Variants in PGCKA1 observed in about 807,000 individuals in gnomAD.
PGCKA1 encodes the protein PDCD10 and GCKIII kinases-associated protein 1.
At chr4:37,493,523 A>G in the PGCKA1 span, among the ~76,000 whole-genome samples, 1 of 152,246 alleles carries the variant, frequency 6.6e-6, no homozygotes, top group Non-Finnish European at 1.5e-5. Context: ...CACTCCACTG[A>G]GAAGCAGATA....
the PGCKA1 span, among the ~76,000 whole-genome samples, chr4:37,530,021 G>T: frequency 7.9e-5 from 12 of 152,064 alleles, no homozygotes; most frequent in Non-Finnish European, 1.5e-4. Context: ...GTAGGTAAAG[G>T]ATCAAAAAAG....
chr4:37,456,887 C>T, the PGCKA1 span, among the ~76,000 whole-genome samples: 2 of 152,110 alleles, frequency 1.3e-5, no homozygotes, highest in African/African-American at 2.4e-5. Context: ...TGAACTGATT[C>T]GAAAGATAGT....
chr4:37,556,735 T>C, the PGCKA1 span, among the ~76,000 whole-genome samples: 1 of 152,220 alleles, frequency 6.6e-6, no homozygotes, highest in African/African-American at 2.4e-5. Context: ...ATATTGTAGT[T>C]CATTGTAAGC....
At chr4:37,492,657 G>A in the PGCKA1 span, among the ~76,000 whole-genome samples, 1 of 152,152 alleles carries the variant, frequency 6.6e-6, no homozygotes, top group Non-Finnish European at 1.5e-5. This position sits in a 1 kb window ranked among gnomAD's most constrained non-coding sequence, Gnocchi z 4.7. Context: ...GATATGCCTG[G>A]TACATCTCCC....
chr4:37,517,320 G>T, the PGCKA1 span, among the ~76,000 whole-genome samples: 42,995 of 146,966 alleles, frequency 0.29, 6,629 homozygotes, highest in South Asian at 0.38. Flanking sequence ...TATATATATA[G>T]AGAGAGAGAG....
chr4:37,507,947 A>T, the PGCKA1 span, among the ~76,000 whole-genome samples: 7 of 152,092 alleles, frequency 4.6e-5, no homozygotes, highest in Non-Finnish European at 1.0e-4. Flanking sequence ...TTTTTGCTGG[A>T]TATACTATTC....
At chr4:37,566,583 GC>G in the PGCKA1 span, among the ~76,000 whole-genome samples, 57 of 149,810 alleles carry the variant, frequency 3.8e-4, 1 homozygote, top group East Asian at 9.0e-3. Context: ...TGTTTCTGAG[GC>G]TTTTTATTTT....
At chr4:37,493,352 C>T in the PGCKA1 span, among the ~76,000 whole-genome samples, 1 of 152,054 alleles carries the variant, frequency 6.6e-6, no homozygotes, top group Admixed American at 6.5e-5. Flanking sequence ...TCATAAAAAG[C>T]TAATTCATTT....
At chr4:37,579,369 C>A in the PGCKA1 span, among the ~76,000 whole-genome samples, 1 of 152,130 alleles carries the variant, frequency 6.6e-6, no homozygotes, top group African/African-American at 2.4e-5. Flanking sequence ...GAGTTTTGTA[C>A]CTTTAGATTA....
chr4:37,535,214 G>A, the PGCKA1 span, among the ~76,000 whole-genome samples: 7 of 152,272 alleles, frequency 4.6e-5, no homozygotes, highest in South Asian at 1.5e-3. Flanking sequence ...AAGTGTGACA[G>A]CGTGACGTGT....
the PGCKA1 span, among the ~76,000 whole-genome samples, chr4:37,521,992 T>C: frequency 6.6e-6 from 1 of 152,244 alleles, no homozygotes; most frequent in African/African-American, 2.4e-5. Flanking sequence ...TTTGTTTGTA[T>C]GAGTATAGTG....
At chr4:37,469,708 C>G in the PGCKA1 span, among the ~76,000 whole-genome samples, 1 of 152,156 alleles carries the variant, frequency 6.6e-6, no homozygotes, top group East Asian at 1.9e-4. Flanking sequence ...ATGCCCAGAC[C>G]AAGCAATAAT....
At chr4:37,489,212 G>A in the PGCKA1 span, among the ~76,000 whole-genome samples, 1 of 152,118 alleles carries the variant, frequency 6.6e-6, no homozygotes, top group East Asian at 1.9e-4. Context: ...ATACTGTATT[G>A]TGCACTTAAA....
chr4:37,535,095 C>T, the PGCKA1 span, among the ~76,000 whole-genome samples: 1 of 152,208 alleles, frequency 6.6e-6, no homozygotes, highest in Non-Finnish European at 1.5e-5. Flanking sequence ...ATCCAGGGTA[C>T]TTTCCGGAAG....
the PGCKA1 span, among the ~76,000 whole-genome samples, chr4:37,457,212 A>G: frequency 1.3e-5 from 2 of 152,194 alleles, no homozygotes; most frequent in Non-Finnish European, 2.9e-5. Context: ...TTATATACAC[A>G]TTCTCTGATT....
At chr4:37,536,781 T>A in the PGCKA1 span, among the ~76,000 whole-genome samples, 824 of 152,326 alleles carry the variant, frequency 5.4e-3, 5 homozygotes, top group African/African-American at 0.019. Flanking sequence ...CTAGTTGTGT[T>A]CCAATAGACA....
chr4:37,511,199 A>C, the PGCKA1 span, among the ~76,000 whole-genome samples: 1 of 151,936 alleles, frequency 6.6e-6, no homozygotes, highest in Non-Finnish European at 1.5e-5. Context: ...ATTCCACCCC[A>C]CTGTGACAGA....
the PGCKA1 span, among the ~76,000 whole-genome samples, chr4:37,567,202 A>G: frequency 6.6e-6 from 1 of 152,230 alleles, no homozygotes; most frequent in Non-Finnish European, 1.5e-5. Flanking sequence ...CAAGCAAGTT[A>G]TATAACCTCC....
At chr4:37,512,454 C>CTTTTTTT in the PGCKA1 span, among the ~76,000 whole-genome samples, 3 of 126,956 alleles carry the variant, frequency 2.4e-5, no homozygotes, top group African/African-American at 6.2e-5. Context: ...GTGTTGATTT[C>CTTTTTTT]TTTTTTTTTT....
Sources: allele counts gnomAD v4.1 joint callset (sites outside exome capture counted in the v4.1 genomes callset), GRCh38; gene constraint gnomAD v4.1.1; non-coding constraint Gnocchi (gnomAD v3.1); transcripts MANE v1.5; gene names NCBI Gene and HGNC (gene_info 2026-07-23, HGNC 2026-07-21).